Variants in SCAMP4 observed in about 807,000 individuals in gnomAD.
SCAMP4 encodes secretory carrier-associated membrane protein 4.
A neutral mutation model predicts 32.1 loss-of-function variants in SCAMP4; 19 were observed. The ratio of observed to expected loss-of-function variants is 0.59; its 90% CI spans 0.41 to 0.87. The LOEUF (loss-of-function observed/expected upper bound fraction) is 0.87, where lower values mean the gene tolerates loss of function less well. SCAMP4 is among the 40% of genes least tolerant of loss of function. The probability of loss-of-function intolerance (pLI) is 0.00; values close to 1 mark genes in which losing one functional copy is unlikely to be tolerated. For missense variants in SCAMP4, 302 were observed against 309.0 expected (o/e 0.98, Z 0.17); for synonymous variants, 152 against 132.7 (o/e 1.15, Z -1.00).
chr19:1,917,243 C>T (rs2013761631), intron 2 of SCAMP4, among the ~76,000 whole-genome samples: 1 of 152,170 alleles, frequency 6.6e-6, no homozygotes, highest in South Asian at 2.1e-4. Flanking sequence ...GAGGCAGAGG[C>T]TGCAGTGAGC....
intron 1 of SCAMP4, chr19:1,911,768 G>C: frequency 3.1e-6 from 1 of 317,874 alleles, no homozygotes; most frequent in Non-Finnish European, 5.7e-6. Context: ...GGGCGACAGC[G>C]AGACTCCGTC....
rs376157594 is a variant in SCAMP4 at position 1,923,071 on chromosome 19, G to A, written c.397G>A (p.Gly133Ser). 103 of 1,548,134 alleles carry A rather than the reference G, an allele frequency of 6.7e-5. No homozygotes were observed. Among genetic ancestry groups the A allele is most frequent in the Admixed American group, 2.8e-4 (14 of 50,714 alleles). Residue 133 changes from glycine (G) to serine (S), a missense_variant and splice_region_variant, in exon 6 of 7, where the codon GGC (glycine) becomes AGC (serine). Physicochemically the swap from Gly to Ser is moderately conservative, Grantham distance 56. Coordinates refer to ENST00000316097, the MANE Select transcript of SCAMP4 (RefSeq NM_079834.4). ...CACGCACTCTCTTGTCCCTTGCAGC[G>A]GCTGGCTGTCGGCAATTGGATTCTT... ...AIGFSGWGAC[G>S]WLSAIGFFQY...
At chr19:1,920,254 ACGGAGCC>A (rs1221741066) in intron 5 of SCAMP4, 1 of 985,104 alleles carries the variant, frequency 1.0e-6, no homozygotes, top group Non-Finnish European at 1.2e-6. Context: ...GACGCTGCTC[ACGGAGCC>A]GTGGGTGCCT....
intron 1 of SCAMP4, chr19:1,913,312 G>T (rs928884255): frequency 8.5e-5 from 98 of 1,148,688 alleles, no homozygotes; most frequent in Non-Finnish European, 1.2e-4. Context: ...TGCGGATCGA[G>T]CTTTCCTGGA....
chr19:1,908,225 C>T lies in SCAMP4; in HGVS notation c.-42+2786C>T, dbSNP rs1236878265. 8 of 279,536 alleles carry T rather than the reference C, an allele frequency of 2.9e-5. No homozygotes were observed. The highest frequency in any genetic ancestry group is 1.6e-4 in the African/African-American group (7 of 42,950). The allele number at this position is 279,536 out of a possible 1,614,324, so 17.3% of individuals were successfully genotyped here. A position where few individuals can be genotyped will look rare whatever the true frequency, so the allele number is the denominator to read the frequency against. On this transcript the variant is annotated intron_variant, in intron 1 of 6. Transcript: ENST00000316097. The surrounding 1 kb of genome is among the most constrained non-coding windows in gnomAD (Gnocchi z 4.2). ...GGCACGGGGCCTCGGGCAGCGGCAG[C>T]ACCTGGCGCTGCCTCCGCGCTTCCT...
chr19:1,917,782 G>A lies in SCAMP4; in HGVS notation c.96G>A (p.Glu32=). 6.2e-7 allele frequency: 1 copy of A among 1,613,962 alleles called. No individual in the cohort carries two copies. The highest frequency in any genetic ancestry group is 8.5e-7 in the Non-Finnish European group (1 of 1,179,830). ...YQNFSDEIPV[E]HQVLVKRIYR... ...ACTTCTCCGACGAGATCCCAGTGGA[G>A]CACCAGGTCCTGGTGAAGAGGATCT... Residue 32 remains glutamate, a synonymous_variant, in exon 3 of 7, where the codon GAG becomes GAA. Transcript: ENST00000316097.
At chr19:1,913,338 C>A in intron 1 of SCAMP4, 2 of 875,936 alleles carry the variant, frequency 2.3e-6, no homozygotes, top group Non-Finnish European at 3.4e-6. Context: ...TCATTGGGGC[C>A]ACCCCGTGCC....
intron 1 of SCAMP4, chr19:1,912,695 G>A: frequency 1.4e-6 from 2 of 1,480,080 alleles, no homozygotes; most frequent in Middle Eastern, 3.5e-4. Flanking sequence ...CCGTGGTAGT[G>A]GACCCGGCCT....
chr19:1,911,728 A>T (rs1002285927), intron 1 of SCAMP4, among the ~76,000 whole-genome samples: 3 of 152,186 alleles, frequency 2.0e-5, no homozygotes, highest in Admixed American at 2.0e-4. Flanking sequence ...GGTTGCAGTG[A>T]GCTGAGATCA....
At chr19:1,914,829 G>A (rs754546149) in intron 1 of SCAMP4, 150 bp from the exon 2 acceptor site, 26 of 653,334 alleles carry the variant, frequency 4.0e-5, no homozygotes, top group Non-Finnish European at 6.6e-5. Context: ...TAACACATTG[G>A]GTCGAGTCAG....
Position 1,924,101 on chromosome 19 carries a change from C to T in SCAMP4, c.514-7C>T, listed in dbSNP as rs1211113998. ...GTCTTCTGCCTCCCTGTCCTCTGTC[C>T]TTGCAGGTGCACAGGATCTACCGAG... On this transcript the variant is annotated splice_region_variant and splice_polypyrimidine_tract_variant and intron_variant, in intron 6 of 6. Transcript: ENST00000316097. 6.3e-7 allele frequency: 1 copy of T among 1,597,996 alleles called. No homozygotes were observed. The highest frequency in any genetic ancestry group is 1.7e-5 in the Admixed American group (1 of 58,360).
intron 1 of SCAMP4, among the ~76,000 whole-genome samples, chr19:1,914,235 T>A (rs1435002284): frequency 6.6e-6 from 1 of 152,088 alleles, no homozygotes; most frequent in African/African-American, 2.4e-5. Flanking sequence ...GGGGAAGATG[T>A]CCTGTCCCAA....
chr19:1,921,550 G>C lies in SCAMP4; in HGVS notation c.396-1520G>C, dbSNP rs1195572072. ...TGACAGTGTGCTGGGTGCCTCCCTA[G>C]ACCTGACACTTGCATGCGGGGGCGT... On this transcript the variant is annotated intron_variant, in intron 5 of 6. Transcript: ENST00000316097. The C allele has an allele frequency of 5.1e-6, 5 of 985,484 alleles. No homozygotes were observed. The East Asian group carries it at 4.5e-4, about 89-fold the overall frequency. 61.0% of individuals were successfully genotyped at this position (985,484 alleles called of 1,614,324 possible).
rs1599252161 is a variant in SCAMP4, at chr19:1,918,538, G to T, written c.293+255G>T. Reference sequence around the variant, plus strand: ...GCACTTTGGGAGGCCGAGGCAGGCGGATCACCTGAGGTCAGGAGTTCAAGA... The same window carrying T: ...GCACTTTGGGAGGCCGAGGCAGGCGTATCACCTGAGGTCAGGAGTTCAAGA... On this transcript the variant is annotated intron_variant, in intron 4 of 6. Transcript: ENST00000316097. The T allele has an allele frequency of 5.7e-6, 3 of 526,684 alleles. No individual in the cohort carries two copies. The East Asian group carries it at 1.0e-4, about 18-fold the overall frequency. 32.6% of individuals were successfully genotyped at this position (526,684 alleles called of 1,614,324 possible). A position where few individuals can be genotyped will look rare whatever the true frequency, so the allele number is the denominator to read the frequency against.
rs1004845534 is a variant in SCAMP4, at chr19:1,908,961, C to T, written c.-42+3522C>T. On this transcript the variant is annotated intron_variant, in intron 1 of 6. Transcript: ENST00000316097. This position sits in a 1 kb window ranked among gnomAD's most constrained non-coding sequence, Gnocchi z 4.2. ...CTCTACTGAAAATACAAAAATTAGC[C>T]GGGCGTGGTGGCATGTGCCTGTATT... Among the ~76,000 whole-genome samples, 3 of 152,022 alleles carry T rather than the reference C, an allele frequency of 2.0e-5. No homozygotes were observed. The highest frequency in any genetic ancestry group is 2.1e-4 in the South Asian group (1 of 4,834).
chr19:1,912,733 A>G, intron 1 of SCAMP4: 1 of 1,534,902 alleles, frequency 6.5e-7, no homozygotes, highest in Admixed American at 1.9e-5. Flanking sequence ...ACCGGCCACG[A>G]CTGCAGCTGC....
chr19:1,911,547 G>A (rs914450907), intron 1 of SCAMP4, among the ~76,000 whole-genome samples: 1 of 152,206 alleles, frequency 6.6e-6, no homozygotes, highest in African/African-American at 2.4e-5. Context: ...CCACCAGGTT[G>A]AAGCGGGTGG....
At chr19:1,909,406 C>T (rs1024265597) in intron 1 of SCAMP4, among the ~76,000 whole-genome samples, 3 of 152,170 alleles carry the variant, frequency 2.0e-5, no homozygotes. Flanking sequence ...GGGGCCCCAC[C>T]AGCCCTTCCT....
intron 1 of SCAMP4, chr19:1,905,879 C>T (rs997870298): frequency 6.6e-6 from 1 of 152,254 alleles, no homozygotes; most frequent in East Asian, 1.9e-4. Context: ...TGGAGATTCC[C>T]CTAGGCCTTG....
Sources: gnomAD v4.1 joint callset for allele counts (sites outside exome capture counted in the v4.1 genomes callset) on GRCh38, gnomAD v4.1.1 for gene constraint, Gnocchi (gnomAD v3.1) non-coding constraint, MANE v1.5 for transcripts, NCBI Gene and HGNC (gene_info 2026-07-23, HGNC 2026-07-21) for gene names.